Variants in CBL observed in about 807,000 individuals in gnomAD.
CBL encodes the protein Cbl proto-oncogene, also known as E3 ubiquitin-protein ligase CBL.
In CBL, 45 loss-of-function variants were observed where a neutral mutation model predicts 96.9. That is an observed-to-expected ratio of 0.46 (90% CI 0.37 to 0.60). The LOEUF (loss-of-function observed/expected upper bound fraction) is 0.60, where lower values mean the gene tolerates loss of function less well. CBL is among the 20% of genes least tolerant of loss of function. The pLI is 0.00. For synonymous variants in CBL, 420 were observed against 426.8 expected, an observed-to-expected ratio of 0.98 and a Z score of 0.20; for missense variants, 1,024 against 1,143.5, an observed-to-expected ratio of 0.90 and a Z score of 1.51.
intron 2 of CBL, among the ~76,000 whole-genome samples, chr11:119,252,115 GT>G (rs1321020706): frequency 6.7e-6 from 1 of 150,266 alleles, no homozygotes; most frequent in African/African-American, 2.5e-5. Context: ...TAAATCCTGT[GT>G]GTTAAATTTG....
At chr11:119,207,181 T>C (rs761385515) in intron 1 of CBL, among the ~76,000 whole-genome samples, 1 of 151,834 alleles carries the variant, frequency 6.6e-6, no homozygotes, top group African/African-American at 2.4e-5. Flanking sequence ...ATAAAAGACA[T>C]ATTGATGTTT....
rs1950112725 is a variant in CBL, at chr11:119,303,118, T to A, written c.*3337T>A. 1 of 231,784 alleles carries A rather than the reference T, an allele frequency of 4.3e-6. No individual in the cohort carries two copies. The highest frequency in any genetic ancestry group is 5.6e-5 in the Admixed American group (1 of 17,746). The allele number at this position is 231,784 out of a possible 1,614,324, so 14.4% of individuals were successfully genotyped here. On this transcript the variant is annotated 3_prime_UTR_variant, in exon 16 of 16. Transcript: ENST00000264033. The stretch of plus-strand genomic sequence containing the variant: ...CAAACAGTCAACTCACAAATTTTTA[T>A]AACAAAATTTCCTTGTAAAAACTAG...
At position 119,298,342 on chromosome 11, in the gene CBL, A is replaced by G. The variant is rs753792214; in HGVS notation, c.2252-16A>G. 1 of 1,611,982 alleles carries G rather than the reference A, an allele frequency of 6.2e-7. No homozygotes were observed. Among genetic ancestry groups the G allele is most frequent in the Admixed American group, 1.7e-5 (1 of 60,018 alleles). On this transcript the variant is annotated splice_polypyrimidine_tract_variant and intron_variant, in intron 14 of 15. Transcript: ENST00000264033. ...AAGTGCGTCAGAAGAAGATAACATC[A>G]CTCATTTTTCTCCAGGTGAAGGGAA...
In CBL at chr11:119,306,344, A is replaced by C. The variant is rs933505145; in HGVS notation, c.*6563A>C. Reference sequence around the variant, plus strand: ...TGATTTGGCAGCTGAAGAAATCAGCAGAGTCCTGATTGCCTGATTCAGTCC... The same window carrying C: ...TGATTTGGCAGCTGAAGAAATCAGCCGAGTCCTGATTGCCTGATTCAGTCC... On this transcript the variant is annotated 3_prime_UTR_variant, in exon 16 of 16. Transcript: ENST00000264033. 2.5e-6 allele frequency: 1 copy of C among 398,794 alleles called. No individual in the cohort carries two copies. Among genetic ancestry groups the C allele is most frequent in the Non-Finnish European group, 4.4e-6 (1 of 226,174 alleles). 24.7% of individuals were successfully genotyped at this position (398,794 alleles called of 1,614,324 possible).
intron 2 of CBL, among the ~76,000 whole-genome samples, chr11:119,255,888 C>G (rs1306197802): frequency 6.6e-6 from 1 of 151,744 alleles, no homozygotes; most frequent in African/African-American, 2.4e-5. Flanking sequence ...CCCATTTCCC[C>G]TTAATTTATA....
chr11:119,271,918 C>T (rs1369569850), intron 3 of CBL, 37 bp downstream of exon 3: 2 of 1,600,004 alleles, frequency 1.3e-6, no homozygotes, highest in African/African-American at 1.3e-5. Context: ...CTATGAAAAA[C>T]TAAAGCTTAC....
At chr11:119,227,854 T>G (rs1426977902) in intron 1 of CBL, among the ~76,000 whole-genome samples, 1 of 152,212 alleles carries the variant, frequency 6.6e-6, no homozygotes, top group Non-Finnish European at 1.5e-5. Context: ...CCCGCAAACC[T>G]TATAATTTTC....
chr11:119,269,951 C>T (rs1036616254), intron 2 of CBL, among the ~76,000 whole-genome samples: 1 of 152,054 alleles, frequency 6.6e-6, no homozygotes, highest in Non-Finnish European at 1.5e-5. Flanking sequence ...GAGCCGAGAT[C>T]GCGCCACTGC....
intron 11 of CBL, among the ~76,000 whole-genome samples, chr11:119,285,971 T>G (rs1197885559): frequency 6.6e-6 from 1 of 151,792 alleles, no homozygotes; most frequent in East Asian, 1.9e-4. Flanking sequence ...AAGTTTTATA[T>G]GGAATTCAGA....
At chr11:119,218,408 A>G (rs1040051114) in intron 1 of CBL, among the ~76,000 whole-genome samples, 3 of 152,210 alleles carry the variant, frequency 2.0e-5, no homozygotes, top group Non-Finnish European at 4.4e-5. Context: ...ATGGCATCTA[A>G]AAGTGATACT....
rs921362520 is a variant in CBL at position 119,305,840 on chromosome 11, A to G, written c.*6059A>G. 8.6e-6 allele frequency: 2 copies of G among 233,760 alleles called. No individual in the cohort carries two copies. Among genetic ancestry groups the G allele is most frequent in the African/African-American group, 2.2e-5 (1 of 45,282 alleles). 14.5% of individuals were successfully genotyped at this position (233,760 alleles called of 1,614,324 possible). A position where few individuals can be genotyped will look rare whatever the true frequency, so the allele number is the denominator to read the frequency against. The stretch of plus-strand genomic sequence containing the variant: ...CATCTCAGAGCCTGTCCTGAGTTGT[A>G]AGGTATTTCATACTGCCTTACTTAA... On this transcript the variant is annotated 3_prime_UTR_variant, in exon 16 of 16. Transcript: ENST00000264033.
chr11:119,264,939 C>T (rs1949790235), intron 2 of CBL, among the ~76,000 whole-genome samples: 2 of 152,074 alleles, frequency 1.3e-5, no homozygotes, highest in Non-Finnish European at 2.9e-5. Context: ...TGCCGTGGTA[C>T]GATCTTTGCT....
chr11:119,297,573 C>CA lies in CBL; in HGVS notation c.2251+96dup. On this transcript the variant is annotated intron_variant, in intron 14 of 15. Transcript: ENST00000264033. ...CAATTGAGATAGCTTGATCTAAGCT[C>CA]AAAATTCTTCTGTAGCTGGGACTAC... 1.4e-5 allele frequency: 13 copies of CA among 941,102 alleles called. No individual in the cohort carries two copies. The South Asian group carries it at 1.7e-4, about 13-fold the overall frequency. 58.3% of individuals were successfully genotyped at this position (941,102 alleles called of 1,614,324 possible).
rs555494312 is a variant in CBL, at chr11:119,257,269, A to G, written c.444-14466A>G. Among the ~76,000 whole-genome samples the G allele has an allele frequency of 5.1e-4, 77 of 152,218 alleles. No homozygotes were observed. In the South Asian group the frequency reaches 0.015, roughly 29 times the overall value. On this transcript the variant is annotated intron_variant, in intron 2 of 15. Coordinates refer to ENST00000264033, the MANE Select transcript of CBL (RefSeq NM_005188.4). ...TTTCACTATGTACACATCAGCATCT[A>G]TTGTTCTTTTGATTTTTTAAATAAT...
intron 12 of CBL, 139 bp from the exon 13 acceptor site, chr11:119,296,779 C>A: frequency 3.0e-6 from 2 of 666,518 alleles, no homozygotes; most frequent in Non-Finnish European, 5.4e-6. Context: ...TCTTGGTCAG[C>A]AGAAATAATA....
intron 1 of CBL, among the ~76,000 whole-genome samples, chr11:119,218,891 T>C (rs1461564533): frequency 6.6e-6 from 1 of 152,190 alleles, no homozygotes; most frequent in Non-Finnish European, 1.5e-5. Context: ...GTTACTAAGA[T>C]GTACAGTAAG....
intron 9 of CBL, among the ~76,000 whole-genome samples, chr11:119,278,976 G>A (rs550222797): frequency 5.3e-5 from 8 of 152,266 alleles, no homozygotes; most frequent in Admixed American, 1.3e-4. Context: ...GGAATTTGCC[G>A]AAGACCACAC....
chr11:119,225,052 G>T (rs1259688480), intron 1 of CBL, among the ~76,000 whole-genome samples: 1 of 148,566 alleles, frequency 6.7e-6, no homozygotes, highest in Non-Finnish European at 1.5e-5. Flanking sequence ...TCTTTGGGGT[G>T]TGTGTGTGTG....
At position 119,301,918 on chromosome 11, in the gene CBL, C is replaced by A. The variant is rs886047783; in HGVS notation, c.*2137C>A. Reference sequence around the variant, plus strand: ...AGAACTAGAAAAAAAAAAGCAGTTTCCAGGCCCATCCATATTGTAATTTTT... The same window carrying A: ...AGAACTAGAAAAAAAAAAGCAGTTTACAGGCCCATCCATATTGTAATTTTT... On this transcript the variant is annotated 3_prime_UTR_variant, in exon 16 of 16. Coordinates refer to ENST00000264033, the MANE Select transcript of CBL (RefSeq NM_005188.4). 4.3e-6 allele frequency: 1 copy of A among 233,156 alleles called. No individual in the cohort carries two copies. Among genetic ancestry groups the A allele is most frequent in the Non-Finnish European group, 8.5e-6 (1 of 117,976 alleles). 14.4% of individuals were successfully genotyped at this position (233,156 alleles called of 1,614,324 possible).
Sources: gnomAD v4.1 joint callset for allele counts (sites outside exome capture counted in the v4.1 genomes callset) on GRCh38, gnomAD v4.1.1 for gene constraint, MANE v1.5 for transcripts, NCBI Gene and HGNC (gene_info 2026-07-23, HGNC 2026-07-21) for gene names.